The following DCBLD1 variants were observed in gnomAD, a reference collection of about 807,000 sequenced individuals.
DCBLD1 encodes the protein discoidin, CUB and LCCL domain-containing protein 1.
Under a neutral mutation model 71.5 loss-of-function variants are expected in DCBLD1, and 57 were observed. The observed-to-expected ratio is 0.80, with a 90% confidence interval of 0.64 to 0.99. The LOEUF (loss-of-function observed/expected upper bound fraction) is 0.99. Ranked by LOEUF, DCBLD1 falls within the 50% of genes least tolerant of loss-of-function variation. The pLI, the probability that DCBLD1 is intolerant of heterozygous loss-of-function variation, is 0.00. For synonymous variants in DCBLD1, 380 were observed against 363.8 expected, an observed-to-expected ratio of 1.04 and a Z score of -0.51; for missense variants, 891 against 923.5, an observed-to-expected ratio of 0.96 and a Z score of 0.46.
At chr6:117,503,605 T>C in intron 1 of DCBLD1, 162 bp from the exon 2 acceptor site, 1 of 668,540 alleles carries the variant, frequency 1.5e-6, no homozygotes, top group Non-Finnish European at 2.5e-6. Flanking sequence ...CCTGAAACAA[T>C]AGATATTGTT....
intron 1 of DCBLD1, among the ~76,000 whole-genome samples, chr6:117,500,828 A>C (rs1333330471): frequency 1.3e-5 from 2 of 152,118 alleles, no homozygotes; most frequent in Non-Finnish European, 2.9e-5. Context: ...CTGCCACTGC[A>C]CTCCAGCCTG....
At chr6:117,514,770 A>G (rs2114469122) in intron 2 of DCBLD1, among the ~76,000 whole-genome samples, 1 of 152,304 alleles carries the variant, frequency 6.6e-6, no homozygotes, top group Non-Finnish European at 1.5e-5. Flanking sequence ...GCTTCCAGAA[A>G]TAGTTACATG....
At chr6:117,535,044 G>T (rs1778840083) in intron 6 of DCBLD1, among the ~76,000 whole-genome samples, 1 of 152,168 alleles carries the variant, frequency 6.6e-6, no homozygotes, top group Admixed American at 6.5e-5. Context: ...AATCTTCAGG[G>T]AGCAGTTGTT....
intron 2 of DCBLD1, among the ~76,000 whole-genome samples, chr6:117,515,629 A>G (rs1778168633): frequency 6.6e-6 from 1 of 152,216 alleles, no homozygotes; most frequent in South Asian, 2.1e-4. Flanking sequence ...AACTTTGCAA[A>G]AATGCTTATC....
chr6:117,538,509 CA>C, intron 7 of DCBLD1, 110 bp from the exon 8 acceptor site: 1 of 980,056 alleles, frequency 1.0e-6, no homozygotes, highest in Non-Finnish European at 1.5e-6. Flanking sequence ...TATTCCATAT[CA>C]GAATAAAAGT....
At chr6:117,490,112 C>CAT (rs1777237587) in intron 1 of DCBLD1, among the ~76,000 whole-genome samples, 1 of 152,004 alleles carries the variant, frequency 6.6e-6, no homozygotes. Context: ...CACACACACA[C>CAT]ACACACACAC....
At chr6:117,502,311 C>T (rs1464902378) in intron 1 of DCBLD1, among the ~76,000 whole-genome samples, 3 of 152,142 alleles carry the variant, frequency 2.0e-5, no homozygotes, top group Non-Finnish European at 4.4e-5. Flanking sequence ...CCCATTGGTC[C>T]ATTAAAGCCA....
intron 14 of DCBLD1, chr6:117,560,238 A>T (rs1779556527): frequency 5.9e-6 from 1 of 169,576 alleles, no homozygotes; most frequent in Admixed American, 6.4e-5. Flanking sequence ...CAAATAATAG[A>T]ACTACTAGAA....
chr6:117,526,346 C>T (rs1778547165), intron 5 of DCBLD1, among the ~76,000 whole-genome samples: 2 of 152,096 alleles, frequency 1.3e-5, no homozygotes, highest in Non-Finnish European at 2.9e-5. Flanking sequence ...ATGTTTTACA[C>T]TATTTCAGTT....
chr6:117,484,395 C>T (rs1777013339), intron 1 of DCBLD1, among the ~76,000 whole-genome samples: 1 of 152,178 alleles, frequency 6.6e-6, no homozygotes, highest in Admixed American at 6.5e-5. Flanking sequence ...GTCGCCCAGG[C>T]TGCAGTGCAG....
Position 117,537,234 on chromosome 6 carries a change from C to T in DCBLD1, c.760+9C>T, listed in dbSNP as rs1231025150. The T allele has an allele frequency of 2.5e-6, 4 of 1,613,378 alleles. No homozygotes were observed. In the African/African-American group the frequency reaches 5.3e-5, roughly 22 times the overall value. Reference sequence around the variant, plus strand: ...TCTGTTTACCTCCAATGGTAAGGATCATGCTTTCCTTAAGAATTTGATATT... The same window carrying T: ...TCTGTTTACCTCCAATGGTAAGGATTATGCTTTCCTTAAGAATTTGATATT... On this transcript the variant is annotated intron_variant, in intron 7 of 14. Coordinates refer to ENST00000338728, the MANE Select transcript of DCBLD1 (RefSeq NM_001366458.2).
At chr6:117,503,137 C>G (rs1218766165) in intron 1 of DCBLD1, among the ~76,000 whole-genome samples, 1 of 151,674 alleles carries the variant, frequency 6.6e-6, no homozygotes, top group Non-Finnish European at 1.5e-5. Context: ...AATACCATGT[C>G]TGGTTATGAA....
chr6:117,508,728 C>T (rs1056748980), intron 2 of DCBLD1, among the ~76,000 whole-genome samples: 2 of 152,128 alleles, frequency 1.3e-5, no homozygotes, highest in African/African-American at 2.4e-5. Context: ...AGGTTGGGTC[C>T]GAGTTTTCCC....
exon 15 of DCBLD1, chr6:117,569,622 T>C (rs1205580446): frequency 1.2e-6 from 2 of 1,613,252 alleles, no homozygotes; most frequent in Admixed American, 3.3e-5. Context: ...TCCCTTAGGT[T>C]AACTCCGTTG....
chr6:117,503,668 A>G, intron 1 of DCBLD1, 99 bp from the exon 2 acceptor site: 2 of 1,336,890 alleles, frequency 1.5e-6, no homozygotes, highest in Middle Eastern at 1.9e-4. Context: ...GCCCAAAAAC[A>G]ATAAAATACA....
At chr6:117,541,171 G>A (rs562726935) in intron 11 of DCBLD1, 146 bp downstream of exon 11, 6 of 684,220 alleles carry the variant, frequency 8.8e-6, no homozygotes, top group Non-Finnish European at 7.4e-6. Flanking sequence ...GTAAAATGAT[G>A]TATGTTTACA....
chr6:117,526,297 A>G (rs1404698359), intron 5 of DCBLD1, among the ~76,000 whole-genome samples: 1 of 152,154 alleles, frequency 6.6e-6, no homozygotes, highest in East Asian at 1.9e-4. Flanking sequence ...TACAAGATTG[A>G]CACTGGATAC....
At chr6:117,539,495 G>A (rs553983297) in intron 9 of DCBLD1, 116 bp downstream of exon 9, 9 of 1,219,618 alleles carry the variant, frequency 7.4e-6, no homozygotes, top group Admixed American at 2.9e-5. Flanking sequence ...GCCAAGCATG[G>A]TGGTTCATGC....
At chr6:117,489,702 G>A (rs914966565) in intron 1 of DCBLD1, among the ~76,000 whole-genome samples, 4 of 152,120 alleles carry the variant, frequency 2.6e-5, no homozygotes, top group African/African-American at 7.2e-5. Flanking sequence ...GGTCTAACTC[G>A]GTGAAACCCC....
Sources: allele counts gnomAD v4.1 joint callset (sites outside exome capture counted in the v4.1 genomes callset), GRCh38; gene constraint gnomAD v4.1.1; transcripts MANE v1.5; gene names NCBI Gene and HGNC (gene_info 2026-07-23, HGNC 2026-07-21).